The following SOX6 variants were observed in gnomAD, a reference collection of about 807,000 sequenced individuals.
The protein encoded by SOX6 is SRY-box transcription factor 6.
In SOX6, 11 loss-of-function variants were observed where a neutral mutation model predicts 97.8. That is an observed-to-expected ratio of 0.11 (90% CI 0.07 to 0.19). The LOEUF (loss-of-function observed/expected upper bound fraction) is 0.19, where lower values mean the gene tolerates loss of function less well. SOX6 is among the 10% of genes least tolerant of loss of function. SOX6 has a pLI of 1.00. For synonymous variants in SOX6, 360 were observed against 371.4 expected, an observed-to-expected ratio of 0.97 and a Z score of 0.35; for missense variants, 810 against 1,039.5, an observed-to-expected ratio of 0.78 and a Z score of 3.04.
chr11:16,719,443 C>T (rs1292937284), intron 2 of SOX6, among the ~76,000 whole-genome samples: 1 of 152,166 alleles, frequency 6.6e-6, no homozygotes, highest in Non-Finnish European at 1.5e-5. Flanking sequence ...ATTCAGCACT[C>T]CCCTGAAAGA....
intron 2 of SOX6, among the ~76,000 whole-genome samples, chr11:16,722,486 T>C (rs1364803511): frequency 1.3e-5 from 2 of 152,042 alleles, no homozygotes; most frequent in African/African-American, 2.4e-5. Context: ...ATCTTGTCTC[T>C]ACAAAAATAC....
At chr11:16,517,855 ATT>A (rs1168490111) in intron 4 of SOX6, among the ~76,000 whole-genome samples, 2 of 152,174 alleles carry the variant, frequency 1.3e-5, no homozygotes, top group African/African-American at 4.8e-5. Context: ...CAAATGAAAT[ATT>A]TGTCATTATT....
chr11:16,686,800 TTGC>T (rs1228550222), intron 3 of SOX6, among the ~76,000 whole-genome samples: 1 of 152,220 alleles, frequency 6.6e-6, no homozygotes, highest in Non-Finnish European at 1.5e-5. Context: ...TATTCTTGCA[TTGC>T]TATAAAGAAA....
chr11:16,571,759 C>A (rs1277300467), intron 4 of SOX6, among the ~76,000 whole-genome samples: 2 of 152,162 alleles, frequency 1.3e-5, no homozygotes, highest in Admixed American at 6.5e-5. Flanking sequence ...TCAAGCAATT[C>A]TCCTGCCTCA....
In SOX6 at chr11:16,621,115, G is replaced by A. The variant is rs117498622; in HGVS notation, n.430-8855C>T. Among the ~76,000 whole-genome samples, 9 of 152,254 alleles carry A rather than the reference G, an allele frequency of 5.9e-5. No homozygotes were observed. In the East Asian group the frequency reaches 1.7e-3, roughly 29 times the overall value. ...TGTAAACTTACATAAGAGGTGTCCT[G>A]TAATTAGGAAACTTGTTTTTGGTCT... is the stretch of plus-strand genomic sequence containing the variant. On this transcript the variant is annotated intron_variant and non_coding_transcript_variant, in intron 3 of 5. Coordinates refer to the SOX6 transcript ENST00000524520.
At chr11:16,237,190 C>A (rs911268995) in intron 3 of SOX6, among the ~76,000 whole-genome samples, 2 of 151,886 alleles carry the variant, frequency 1.3e-5, no homozygotes, top group South Asian at 4.1e-4. Flanking sequence ...CTTTCTACCC[C>A]ATTATCTGAC....
At chr11:16,737,318 T>C (rs1250430087) in intron 1 of SOX6, among the ~76,000 whole-genome samples, 1 of 152,210 alleles carries the variant, frequency 6.6e-6, no homozygotes, top group African/African-American at 2.4e-5. Context: ...GCGATTCTCC[T>C]GCCTCAGCCT....
intron 1 of SOX6, chr11:16,434,588 C>T (rs1470519170): frequency 3.9e-5 from 6 of 152,100 alleles, no homozygotes; most frequent in Admixed American, 3.3e-4. Flanking sequence ...TCATATTGTA[C>T]TATAATTGTT....
At chr11:16,537,696 C>T (rs1206350551) in intron 4 of SOX6, among the ~76,000 whole-genome samples, 1 of 152,102 alleles carries the variant, frequency 6.6e-6, no homozygotes, top group East Asian at 1.9e-4. Context: ...CTTCAATAGC[C>T]GATTCAATCA....
intron 3 of SOX6, among the ~76,000 whole-genome samples, chr11:16,249,555 A>C (rs1179638908): frequency 2.6e-5 from 4 of 152,100 alleles, no homozygotes; most frequent in African/African-American, 9.7e-5. Context: ...AACTGTTCCA[A>C]CCTCTGCCTG....
chr11:16,539,486 A>C (rs181860958), intron 4 of SOX6, among the ~76,000 whole-genome samples: 55 of 152,304 alleles, frequency 3.6e-4, no homozygotes, highest in African/African-American at 1.1e-3. Flanking sequence ...GAACTGAAGG[A>C]GATAGAGACA....
intron 4 of SOX6, among the ~76,000 whole-genome samples, chr11:16,521,092 T>A (rs1379080118): frequency 6.6e-6 from 1 of 152,166 alleles, no homozygotes; most frequent in East Asian, 1.9e-4. Context: ...CTCTGCAGAC[T>A]TAAATGTCCC....
At chr11:16,259,945 A>ATGTGTGTGTG (rs5789946) in intron 3 of SOX6, among the ~76,000 whole-genome samples, 5 of 149,146 alleles carry the variant, frequency 3.4e-5, no homozygotes, top group East Asian at 2.0e-4. Context: ...TGTCCCAAAT[A>ATGTGTGTGTG]TGTGTGTGTG....
intron 1 of SOX6, among the ~76,000 whole-genome samples, chr11:16,390,098 G>A (rs1858125208): frequency 6.6e-6 from 1 of 150,818 alleles, no homozygotes; most frequent in Non-Finnish European, 1.5e-5. Context: ...TGGGCTACTT[G>A]AGATCAATCC....
chr11:16,609,365 A>G (rs551147763), intron 4 of SOX6, among the ~76,000 whole-genome samples: 2 of 152,346 alleles, frequency 1.3e-5, no homozygotes, highest in South Asian at 4.1e-4. Flanking sequence ...TAACCTGCAG[A>G]GATTTGTGAA....
At chr11:16,322,301 T>A (rs955718029) in intron 2 of SOX6, among the ~76,000 whole-genome samples, 9 of 151,856 alleles carry the variant, frequency 5.9e-5, no homozygotes, top group Non-Finnish European at 1.3e-4. Flanking sequence ...TGAGTTCTCA[T>A]GAGATCTGGT....
At chr11:16,569,862 C>T (rs1483558674) in intron 4 of SOX6, among the ~76,000 whole-genome samples, 1 of 67,600 alleles carries the variant, frequency 1.5e-5, no homozygotes, top group Non-Finnish European at 2.6e-5. Context: ...GATCAAGACT[C>T]CGTCTCAAAA....
chr11:16,339,200 G>T (rs576050934), intron 2 of SOX6, among the ~76,000 whole-genome samples: 21 of 151,728 alleles, frequency 1.4e-4, no homozygotes, highest in African/African-American at 4.6e-4. Flanking sequence ...ATTATACCAC[G>T]CCAGACTTTA....
intron 1 of SOX6, among the ~76,000 whole-genome samples, chr11:16,391,763 A>G (rs1858190639): frequency 6.6e-6 from 1 of 152,112 alleles, no homozygotes; most frequent in African/African-American, 2.4e-5. Context: ...ATGATTTAAG[A>G]GAAGATGAAA....
Sources: gnomAD v4.1 joint callset for allele counts (sites outside exome capture counted in the v4.1 genomes callset) on GRCh38, gnomAD v4.1.1 for gene constraint, MANE v1.5 for transcripts, NCBI Gene and HGNC (gene_info 2026-07-23, HGNC 2026-07-21) for gene names.